Variants in DLG2 observed in about 807,000 individuals in gnomAD.
DLG2 encodes discs large MAGUK scaffold protein 2, also known as disks large homolog 2.
A neutral mutation model predicts 132.5 loss-of-function variants in DLG2; 45 were observed. That is an observed-to-expected ratio of 0.34 (90% CI 0.27 to 0.44). DLG2 has a LOEUF of 0.44. Among genes scored for constraint, DLG2 ranks in the 20% least tolerant of loss-of-function variants. DLG2 has a pLI of 1.00. For missense variants in DLG2, 1,045 were observed against 1,196.9 expected, an observed-to-expected ratio of 0.87 and a Z score of 1.87; for synonymous variants, 424 against 419.6, an observed-to-expected ratio of 1.01 and a Z score of -0.13.
At position 84,991,040 on chromosome 11, in the gene DLG2, A is replaced by C. The variant is rs556092574; in HGVS notation, c.357+120621T>G. Among the ~76,000 whole-genome samples, 3 of 152,376 alleles carry C rather than the reference A, an allele frequency of 2.0e-5. No homozygotes were observed. In the East Asian group the frequency reaches 5.8e-4, roughly 29 times the overall value. ...CATGGGATGCTACTCAGCAATAAAA[A>C]AGAATGGACTATCAGTACAATCAAC... On this transcript the variant is annotated intron_variant, in intron 6 of 27. Transcript: ENST00000376104.
At position 84,693,495 on chromosome 11, in the gene DLG2, A is replaced by G. The variant is rs2058275864; in HGVS notation, c.358-158764T>C. Among the ~76,000 whole-genome samples, 3 of 151,670 alleles carry G rather than the reference A, an allele frequency of 2.0e-5. No homozygotes were observed. In the South Asian group the frequency reaches 6.2e-4, roughly 31 times the overall value. On this transcript the variant is annotated intron_variant, in intron 6 of 27. Transcript: ENST00000376104. ...CGTACTCTGAACTGTTATTTTCCAT[A>G]TTTTTAAAGTACTCTCCTGCCACCG... is the stretch of plus-strand genomic sequence containing the variant.
intron 9 of DLG2, among the ~76,000 whole-genome samples, chr11:84,122,536 C>T (rs1011975301): frequency 1.3e-5 from 2 of 151,972 alleles, no homozygotes; most frequent in African/African-American, 4.8e-5. Context: ...CAATCTACTG[C>T]ACACCAGACA....
chr11:84,801,850 A>T (rs2075417276), intron 6 of DLG2, among the ~76,000 whole-genome samples: 1 of 152,232 alleles, frequency 6.6e-6, no homozygotes, highest in African/African-American at 2.4e-5. Flanking sequence ...ATGATTAGAA[A>T]GGTTTCTAAT....
At chr11:84,438,245 T>G (rs2099006890) in intron 7 of DLG2, among the ~76,000 whole-genome samples, 1 of 152,168 alleles carries the variant, frequency 6.6e-6, no homozygotes, top group African/African-American at 2.4e-5. Context: ...AGGTAAACAC[T>G]TTATTTCTTT....
At chr11:83,806,332 A>C (rs556766904) in intron 17 of DLG2, among the ~76,000 whole-genome samples, 1 of 152,206 alleles carries the variant, frequency 6.6e-6, no homozygotes, top group Admixed American at 6.5e-5. Context: ...ACATCTTTCT[A>C]TCTTAACCTT....
chr11:84,292,502 T>TGAA (rs1056753934), intron 7 of DLG2, among the ~76,000 whole-genome samples: 37 of 152,266 alleles, frequency 2.4e-4, no homozygotes, highest in African/African-American at 8.9e-4. Flanking sequence ...ATTGATAATT[T>TGAA]GAAGGGTAAA....
chr11:84,235,336 G>T (rs1340316647), intron 8 of DLG2, among the ~76,000 whole-genome samples: 13 of 152,310 alleles, frequency 8.5e-5, no homozygotes, highest in Middle Eastern at 6.8e-3. Flanking sequence ...AGGGCCGTAG[G>T]TTTCATATTT....
intron 21 of DLG2, among the ~76,000 whole-genome samples, chr11:83,512,791 T>C (rs1284889415): frequency 6.6e-6 from 1 of 152,142 alleles, no homozygotes; most frequent in Non-Finnish European, 1.5e-5. Context: ...TGTTTGGTTT[T>C]TTGTCCTTGC....
intron 7 of DLG2, among the ~76,000 whole-genome samples, chr11:84,367,996 T>C (rs2098691117): frequency 6.6e-6 from 1 of 152,208 alleles, no homozygotes; most frequent in Non-Finnish European, 1.5e-5. Context: ...CTACATTTTC[T>C]AGTTAATGCA....
At chr11:85,354,051 T>TTTCACTTG in intron 3 of DLG2, among the ~76,000 whole-genome samples, 1 of 151,956 alleles carries the variant, frequency 6.6e-6, no homozygotes. Context: ...CACTGCAGTA[T>TTTCACTTG]TTCACTTGGA....
intron 6 of DLG2, chr11:84,997,242 C>A (rs1214456744): frequency 6.6e-6 from 1 of 152,670 alleles, no homozygotes; most frequent in African/African-American, 2.4e-5. Flanking sequence ...AACAAGTTAC[C>A]TGTATTTTTC....
At chr11:85,396,997 TA>T (rs1225511037) in intron 3 of DLG2, among the ~76,000 whole-genome samples, 5 of 151,774 alleles carry the variant, frequency 3.3e-5, no homozygotes, top group African/African-American at 1.2e-4. Flanking sequence ...AAGGTTGAAA[TA>T]AAGGAAAAAA....
At chr11:83,633,450 A>G in intron 18 of DLG2, 125 bp from the exon 19 acceptor site, 1 of 702,594 alleles carries the variant, frequency 1.4e-6, no homozygotes, top group Non-Finnish European at 2.6e-6. Context: ...GAGATGTGCA[A>G]CTCAAGGGTA....
chr11:84,757,358 T>C (rs2067019876), intron 6 of DLG2, among the ~76,000 whole-genome samples: 1 of 152,206 alleles, frequency 6.6e-6, no homozygotes, highest in Non-Finnish European at 1.5e-5. Flanking sequence ...ACTTCTCCAG[T>C]AATTCATTTT....
At chr11:84,449,254 T>C (rs978704902) in intron 7 of DLG2, among the ~76,000 whole-genome samples, 7 of 151,938 alleles carry the variant, frequency 4.6e-5, no homozygotes, top group Non-Finnish European at 2.9e-5. Flanking sequence ...ATAAAATCCC[T>C]TTTTATTTCC....
intron 6 of DLG2, among the ~76,000 whole-genome samples, chr11:84,550,848 T>C (rs2099400414): frequency 6.6e-6 from 1 of 152,216 alleles, no homozygotes; most frequent in Admixed American, 6.5e-5. Context: ...AATCTGTGAC[T>C]CTGTCGAAAT....
At chr11:85,620,175 A>T (rs2081603108) in intron 2 of DLG2, among the ~76,000 whole-genome samples, 1 of 152,186 alleles carries the variant, frequency 6.6e-6, no homozygotes, top group Non-Finnish European at 1.5e-5. Flanking sequence ...AGTGATCTGT[A>T]ATCAGTGATC....
intron 6 of DLG2, among the ~76,000 whole-genome samples, chr11:85,061,600 G>A (rs1226770364): frequency 1.3e-5 from 2 of 151,728 alleles, no homozygotes; most frequent in Non-Finnish European, 2.9e-5. Context: ...TGATGGTTAA[G>A]ATGTAAATAT....
intron 3 of DLG2, among the ~76,000 whole-genome samples, chr11:85,381,565 T>C (rs1053182695): frequency 6.6e-6 from 1 of 151,974 alleles, no homozygotes. Context: ...AAATTATCTC[T>C]AGTTACAGGT....
Sources: gnomAD v4.1 joint callset for allele counts (sites outside exome capture counted in the v4.1 genomes callset) on GRCh38, gnomAD v4.1.1 for gene constraint, MANE v1.5 for transcripts, NCBI Gene and HGNC (gene_info 2026-07-23, HGNC 2026-07-21) for gene names.